Variants in TNFRSF12A observed in about 807,000 individuals in gnomAD.
TNFRSF12A encodes the protein TNF receptor superfamily member 12A.
Under a neutral mutation model 15.5 loss-of-function variants are expected in TNFRSF12A, and 13 were observed. That is an observed-to-expected ratio of 0.84 (90% CI 0.54 to 1.33). The LOEUF (loss-of-function observed/expected upper bound fraction) is 1.33. TNFRSF12A is among the 40% of genes most tolerant of loss of function. The probability of loss-of-function intolerance (pLI) is 0.00; values close to 1 mark genes in which losing one functional copy is unlikely to be tolerated. For synonymous variants in TNFRSF12A, 89 were observed against 78.4 expected, an observed-to-expected ratio of 1.14 and a Z score of -0.71; for missense variants, 174 against 173.6, an observed-to-expected ratio of 1.00 and a Z score of -0.01.
At chr16:3,020,526 C>G in intron 1 of TNFRSF12A, 35 bp downstream of exon 1, 1 of 1,264,580 alleles carries the variant, frequency 7.9e-7, no homozygotes, top group Non-Finnish European at 1.0e-6. Flanking sequence ...AACCCCGGGC[C>G]GGGGCTCGGG....
At position 3,021,705 on chromosome 16, in the gene TNFRSF12A, C is replaced by T. The variant is rs763356675; in HGVS notation, c.334+16C>T. On this transcript the variant is annotated intron_variant, in intron 3 of 3. Transcript: ENST00000326577. ...AAGTTCACCAGTAAGTGTGCCCTGGCCTGCCCAGCCCTGTCAGCACTCGAC... is the reference window on the plus strand; with the variant it reads ...AAGTTCACCAGTAAGTGTGCCCTGGTCTGCCCAGCCCTGTCAGCACTCGAC... 8.1e-6 allele frequency: 13 copies of T among 1,611,870 alleles called. No individual in the cohort carries two copies. The highest frequency in any genetic ancestry group is 4.0e-5 in the African/African-American group (3 of 74,866).
intron 1 of TNFRSF12A, chr16:3,020,944 G>A (rs2072604423): frequency 2.1e-6 from 1 of 474,766 alleles, no homozygotes; most frequent in Non-Finnish European, 3.7e-6. Flanking sequence ...CTATGCGGGG[G>A]GAGGGACTGG....
rs1174404422 is a variant in TNFRSF12A, at chr16:3,021,219, C to T, written c.99C>T (p.Thr33=). The T allele has an allele frequency of 2.5e-6, 4 of 1,569,842 alleles. No homozygotes were observed. The highest frequency in any genetic ancestry group is 3.4e-6 in the Non-Finnish European group (4 of 1,163,756). ...RSVAGEQAPG[T]APCSRGSSWS... ...GACCCGAGGCCCCCTCCCCAGGCAC[C>T]GCCCCCTGCTCCCGCGGCAGCTCCT... The change falls in exon 2 of 4, where the codon ACC becomes ACT. Residue 33 remains threonine, a synonymous_variant. Transcript: ENST00000326577.
In TNFRSF12A at chr16:3,021,907, C is replaced by G; in HGVS notation, c.*81C>G. ...AGAGCCAGTCTCTGCCTCCCAGACG[C>G]GGCGGGAGCCAAGCTCCTCCAACCA... On this transcript the variant is annotated 3_prime_UTR_variant, in exon 4 of 4. Coordinates refer to ENST00000326577, the MANE Select transcript of TNFRSF12A (RefSeq NM_016639.3). 1.3e-6 allele frequency: 2 copies of G among 1,507,486 alleles called. No homozygotes were observed. Among genetic ancestry groups the G allele is most frequent in the Non-Finnish European group, 1.8e-6 (2 of 1,111,944 alleles). The allele number at this position is 1,507,486 out of a possible 1,614,324, so 93.4% of individuals were successfully genotyped here. A position where few individuals can be genotyped will look rare whatever the true frequency, so the allele number is the denominator to read the frequency against.
At chr16:3,021,357 G>A (rs1441385480) in intron 2 of TNFRSF12A, 38 bp downstream of exon 2, 2 of 1,502,088 alleles carry the variant, frequency 1.3e-6, no homozygotes, top group South Asian at 2.5e-5. Flanking sequence ...GCGGACCCCA[G>A]ACTGGGAGGG....
chr16:3,020,394 CACTAT>C lies in TNFRSF12A; in HGVS notation c.-3_2del. ...CAGACAGCGGCGGGCGCAGGACGTG[CACTAT>C]GGCTCGGGGCTCGCTGCGCCGGTTG... On this transcript the variant is annotated start_lost and 5_prime_UTR_variant, in exon 1 of 4. Transcript: ENST00000326577. The C allele has an allele frequency of 7.7e-7, 1 of 1,291,696 alleles. No homozygotes were observed. Among genetic ancestry groups the C allele is most frequent in the Non-Finnish European group, 9.8e-7 (1 of 1,019,264 alleles). The allele number at this position is 1,291,696 out of a possible 1,614,324, so 80.0% of individuals were successfully genotyped here.
rs772078638 is a variant in TNFRSF12A at position 3,021,788 on chromosome 16, G to A, written c.352G>A (p.Gly118Ser). Residue 118 changes from glycine (G) to serine (S), a missense_variant, in exon 4 of 4, where the codon GGC (glycine) becomes AGC (serine). Physicochemically the swap from Gly to Ser is moderately conservative, Grantham distance 56 (BLOSUM62 0). Coordinates refer to ENST00000326577, the MANE Select transcript of TNFRSF12A (RefSeq NM_016639.3). Reference protein sequence around the residue: ...EKFTTPIEETGGEGCPAVALI... With the variant: ...EKFTTPIEETSGEGCPAVALI... ...TCTTGCAGCCCCCATAGAGGAGACC[G>A]GCGGAGAGGGCTGCCCAGCTGTGGC... 1.2e-6 allele frequency: 2 copies of A among 1,612,956 alleles called. No homozygotes were observed. The highest frequency in any genetic ancestry group is 1.1e-5 in the South Asian group (1 of 90,924).
At position 3,022,002 on chromosome 16, in the gene TNFRSF12A, G is replaced by A; in HGVS notation, c.*176G>A. 1.5e-6 allele frequency: 1 copy of A among 651,840 alleles called. No individual in the cohort carries two copies. Among genetic ancestry groups the A allele is most frequent in the Non-Finnish European group, 2.5e-6 (1 of 393,440 alleles). 40.4% of individuals were successfully genotyped at this position (651,840 alleles called of 1,614,324 possible). The stretch of plus-strand genomic sequence containing the variant: ...AGGGTTCAGGGGAACCTTCCAAGGT[G>A]TCTGGTTGCCCTGCCTCTGGCTCCA... On this transcript the variant is annotated 3_prime_UTR_variant, in exon 4 of 4. Coordinates refer to ENST00000326577, the MANE Select transcript of TNFRSF12A (RefSeq NM_016639.3).
At chr16:3,021,710 C>T in intron 3 of TNFRSF12A, 21 bp downstream of exon 3, 3 of 1,612,264 alleles carry the variant, frequency 1.9e-6, no homozygotes, top group Non-Finnish European at 2.5e-6. Context: ...CCTGGCCTGC[C>T]CAGCCCTGTC....
intron 1 of TNFRSF12A, chr16:3,020,929 C>A: frequency 2.1e-6 from 1 of 475,616 alleles, no homozygotes; most frequent in Non-Finnish European, 3.7e-6. Context: ...GACTTCAGTG[C>A]CCAGCTATGC....
chr16:3,021,772 C>T lies in TNFRSF12A; in HGVS notation c.336C>T (p.Thr112=), dbSNP rs770911609. The change falls in exon 4 of 4, where the codon ACC becomes ACT. Residue 112 remains threonine (T), a splice_region_variant and synonymous_variant. Coordinates refer to ENST00000326577, the MANE Select transcript of TNFRSF12A (RefSeq NM_016639.3). ...RRCRRREKFT[T]PIEETGGEGC... ...ACGACCCCACCTCTTATCTTGCAGC[C>T]CCCATAGAGGAGACCGGCGGAGAGG... 1 of 1,612,696 alleles carries T rather than the reference C, an allele frequency of 6.2e-7. No individual in the cohort carries two copies. The highest frequency in any genetic ancestry group is 1.1e-5 in the South Asian group (1 of 90,908).
chr16:3,020,657 A>T, intron 1 of TNFRSF12A, 166 bp downstream of exon 1: 1 of 430,270 alleles, frequency 2.3e-6, no homozygotes, highest in East Asian at 3.6e-5. Context: ...TCACTCTCCA[A>T]GCTTCATTCA....
At position 3,021,316 on chromosome 16, in the gene TNFRSF12A, G is replaced by A; in HGVS notation, c.196G>A (p.Gly66Ser). The change falls in exon 2 of 4, where the codon GGC becomes AGC. Residue 66 changes from glycine to serine, a missense_variant. Gly to Ser is a moderately conservative substitution (Grantham distance 56, BLOSUM62 0). Coordinates refer to ENST00000326577, the MANE Select transcript of TNFRSF12A (RefSeq NM_016639.3). The stretch of plus-strand genomic sequence containing the variant: ...GCGACCGCACAGCGACTTCTGCCTG[G>A]GCTGTGAGTGGGGGGCAGGGCCAGT... ...RARPHSDFCL[G>S]CAAAPPAPFR... 1 of 1,575,760 alleles carries A rather than the reference G, an allele frequency of 6.3e-7. No homozygotes were observed. Among genetic ancestry groups the A allele is most frequent in the Non-Finnish European group, 8.6e-7 (1 of 1,167,332 alleles).
Position 3,020,486 on chromosome 16 carries a change from C to T in TNFRSF12A, c.89C>T (p.Ala30Val), listed in dbSNP as rs1374580637. 4 of 1,293,088 alleles carry T rather than the reference C, an allele frequency of 3.1e-6. No homozygotes were observed. The highest frequency in any genetic ancestry group is 1.5e-5 in the African/African-American group (1 of 66,188). 80.1% of individuals were successfully genotyped at this position (1,293,088 alleles called of 1,614,324 possible). A position where few individuals can be genotyped will look rare whatever the true frequency, so the allele number is the denominator to read the frequency against. ...CTGCGCTCCGTGGCCGGGGAGCAAG[C>T]GCCAGGTACGCGGGACTCCGGGGTC... ...ALLRSVAGEQ[A>V]PGTAPCSRGS... The change falls in exon 1 of 4, where the codon GCG (alanine) becomes GTG (valine). Residue 30 changes from alanine (A) to valine (V), a missense_variant. Transcript: ENST00000326577.
chr16:3,021,232 C>G lies in TNFRSF12A; in HGVS notation c.112C>G (p.Arg38Gly). 2 of 1,586,350 alleles carry G rather than the reference C, an allele frequency of 1.3e-6. No individual in the cohort carries two copies. The highest frequency in any genetic ancestry group is 1.7e-6 in the Non-Finnish European group (2 of 1,172,012). The change falls in exon 2 of 4, where the codon CGC becomes GGC. Residue 38 changes from arginine to glycine, a missense_variant. Physicochemically the swap from Arg to Gly is moderately radical, Grantham distance 125 (BLOSUM62 -2). Transcript: ENST00000326577. ...CTCCCCAGGCACCGCCCCCTGCTCC[C>G]GCGGCAGCTCCTGGAGCGCGGACCT... The part of the protein sequence containing the change: ...EQAPGTAPCS[R>G]GSSWSADLDK...
In TNFRSF12A at chr16:3,021,616, C is replaced by T; in HGVS notation, c.261C>T (p.Ser87=). Reference sequence around the variant, plus strand: ...GGCCCATCCTTGGGGGCGCTCTGAGCCTGACCTTCGTGCTGGGGCTGCTTT... The same window carrying T: ...GGCCCATCCTTGGGGGCGCTCTGAGTCTGACCTTCGTGCTGGGGCTGCTTT... ...LLWPILGGAL[S]LTFVLGLLSG... Residue 87 remains serine, a synonymous_variant, in exon 3 of 4, where the codon AGC becomes AGT. Transcript: ENST00000326577. The T allele has an allele frequency of 5.6e-6, 9 of 1,613,562 alleles. No individual in the cohort carries two copies. The highest frequency in any genetic ancestry group is 1.6e-4 in the Middle Eastern group (1 of 6,062).
Position 3,021,233 on chromosome 16 carries a change from G to T in TNFRSF12A, c.113G>T (p.Arg38Leu). The T allele has an allele frequency of 6.3e-7, 1 of 1,579,126 alleles. No homozygotes were observed. Among genetic ancestry groups the T allele is most frequent in the Non-Finnish European group, 8.6e-7 (1 of 1,169,282 alleles). Reference sequence around the variant, plus strand: ...TCCCCAGGCACCGCCCCCTGCTCCCGCGGCAGCTCCTGGAGCGCGGACCTG... The same window carrying T: ...TCCCCAGGCACCGCCCCCTGCTCCCTCGGCAGCTCCTGGAGCGCGGACCTG... ...EQAPGTAPCSRGSSWSADLDK... is the reference protein window; with the variant it reads ...EQAPGTAPCSLGSSWSADLDK... The change falls in exon 2 of 4, where the codon CGC (arginine) becomes CTC (leucine). Residue 38 changes from arginine to leucine, a missense_variant. Coordinates refer to ENST00000326577, the MANE Select transcript of TNFRSF12A (RefSeq NM_016639.3).
At chr16:3,021,713 GC>G in intron 3 of TNFRSF12A, 24 bp downstream of exon 3, 1 of 1,612,048 alleles carries the variant, frequency 6.2e-7, no homozygotes, top group Non-Finnish European at 8.5e-7. Context: ...GGCCTGCCCA[GC>G]CCTGTCAGCA....
Position 3,021,330 on chromosome 16 carries a change from G to T in TNFRSF12A, c.199+11G>T, listed in dbSNP as rs528463118. 3 of 1,559,968 alleles carry T rather than the reference G, an allele frequency of 1.9e-6. No individual in the cohort carries two copies. Among genetic ancestry groups the T allele is most frequent in the African/African-American group, 1.4e-5 (1 of 73,368 alleles). On this transcript the variant is annotated intron_variant, in intron 2 of 3. Transcript: ENST00000326577. ...ACTTCTGCCTGGGCTGTGAGTGGGG[G>T]GCAGGGCCAGTGGCCAGCGGACCCC...
Sources: gnomAD v4.1 joint callset for allele counts on GRCh38, gnomAD v4.1.1 for gene constraint, MANE v1.5 for transcripts, NCBI Gene and HGNC (gene_info 2026-07-23, HGNC 2026-07-21) for gene names.